The following PKHD1 variants were observed in gnomAD, a reference collection of about 807,000 sequenced individuals.
PKHD1 encodes the protein fibrocystin.
A neutral mutation model predicts 412.0 loss-of-function variants in PKHD1; 291 were observed. The observed-to-expected ratio is 0.71, with a 90% confidence interval of 0.64 to 0.78. PKHD1 has a LOEUF of 0.78. Among genes scored for constraint, PKHD1 ranks in the 30% least tolerant of loss-of-function variants. The pLI is 0.00. For synonymous variants in PKHD1, 1,777 were observed against 1,821.5 expected (o/e 0.98, Z 0.62); for missense variants, 4,825 against 4,950.7 (o/e 0.97, Z 0.76).
At chr6:51,691,686 A>G (rs1382107781) in intron 60 of PKHD1, among the ~76,000 whole-genome samples, 1 of 152,188 alleles carries the variant, frequency 6.6e-6, no homozygotes, top group East Asian at 1.9e-4. Flanking sequence ...TAAGAGGATC[A>G]GGAAAAATAA....
In PKHD1 at chr6:51,905,971, A is replaced by G. The variant is rs147712063; in HGVS notation, c.6808+244T>C. On this transcript the variant is annotated intron_variant, in intron 41 of 66. Coordinates refer to ENST00000371117, the MANE Select transcript of PKHD1 (RefSeq NM_138694.4). The stretch of plus-strand genomic sequence containing the variant: ...AAAATTACTGGTAGTAAACTTTAAA[A>G]CTTCCCATTATACACTTATTAACCT... Among the ~76,000 whole-genome samples the G allele has an allele frequency of 4.6e-5, 7 of 152,280 alleles. No homozygotes were observed. In the East Asian group the frequency reaches 1.4e-3, roughly 29 times the overall value.
At chr6:51,709,103 T>A (rs1466414160) in intron 60 of PKHD1, among the ~76,000 whole-genome samples, 2 of 152,194 alleles carry the variant, frequency 1.3e-5, no homozygotes, top group East Asian at 3.9e-4. Flanking sequence ...CCCTGAACTT[T>A]CCTGGTTATC....
Position 51,626,980 on chromosome 6 carries a change from C to T in PKHD1, c.11785+17G>A, listed in dbSNP as rs1285734471. 21 of 1,612,958 alleles carry T rather than the reference C, an allele frequency of 1.3e-5. No individual in the cohort carries two copies. Among genetic ancestry groups the T allele is most frequent in the Non-Finnish European group, 1.4e-5 (17 of 1,179,132 alleles). ...TGGGTCTCTCCTGTGGGGATCATCT[C>T]CACCCTCCAAGCTTACCTTCTCCCA... On this transcript the variant is annotated intron_variant, in intron 66 of 66. Coordinates refer to ENST00000371117, the MANE Select transcript of PKHD1 (RefSeq NM_138694.4).
At chr6:51,626,259 T>C (rs1188071562) in intron 66 of PKHD1, among the ~76,000 whole-genome samples, 2 of 152,172 alleles carry the variant, frequency 1.3e-5, no homozygotes, top group Non-Finnish European at 2.9e-5. Flanking sequence ...GAAAATATGA[T>C]AATTGACTCT....
chr6:51,802,892 AT>A (rs1763155254), intron 52 of PKHD1, among the ~76,000 whole-genome samples: 2 of 151,168 alleles, frequency 1.3e-5, no homozygotes, highest in Non-Finnish European at 2.9e-5. Context: ...TAAGTTCTCA[AT>A]TGTTTCTTCT....
intron 21 of PKHD1, among the ~76,000 whole-genome samples, chr6:52,051,488 T>C (rs1055576238): frequency 2.6e-5 from 4 of 152,176 alleles, no homozygotes; most frequent in Non-Finnish European, 4.4e-5. Context: ...GCAGGGTTAA[T>C]GTGATAAAGT....
In PKHD1 at chr6:51,699,923, G is replaced by GTGTA. The variant is rs71777944; in HGVS notation, c.10157-39955_10157-39954insTACA. Among the ~76,000 whole-genome samples, 43 of 148,280 alleles carry GTGTA rather than the reference G, an allele frequency of 2.9e-4. 1 individual carries two copies. Among genetic ancestry groups the GTGTA allele is most frequent in the African/African-American group, 7.7e-4 (31 of 40,044 alleles). On this transcript the variant is annotated intron_variant, in intron 60 of 66. Transcript: ENST00000371117. ...GGCCTCTGGAATATATATATGGAGT[G>GTGTA]TGTGTGTGTGTGTGTGTGTGTGTGT...
At chr6:52,022,569 A>ATAT (rs1554196900) in intron 33 of PKHD1, among the ~76,000 whole-genome samples, 1 of 152,212 alleles carries the variant, frequency 6.6e-6, no homozygotes. Flanking sequence ...AAGTGTTTCA[A>ATAT]TATTCATCTA....
chr6:51,816,661 G>A (rs1280442938), intron 52 of PKHD1, among the ~76,000 whole-genome samples: 1 of 152,146 alleles, frequency 6.6e-6, no homozygotes, highest in African/African-American at 2.4e-5. Context: ...CCAGTCAAAG[G>A]CGACCAACTG....
chr6:51,682,112 G>T, intron 60 of PKHD1: 2 of 411,154 alleles, frequency 4.9e-6, no homozygotes, highest in Admixed American at 2.7e-5. Context: ...AGGTTAGGAT[G>T]TCAGTACTCT....
At chr6:51,766,812 G>C (rs1443858550) in intron 55 of PKHD1, among the ~76,000 whole-genome samples, 1 of 151,782 alleles carries the variant, frequency 6.6e-6, no homozygotes, top group East Asian at 1.9e-4. Flanking sequence ...ACATTTTCTA[G>C]TTGATCATTT....
intron 56 of PKHD1, among the ~76,000 whole-genome samples, chr6:51,754,329 A>G (rs190517437): frequency 3.3e-4 from 51 of 152,310 alleles, no homozygotes; most frequent in African/African-American, 1.2e-3. Flanking sequence ...CATAAAATGT[A>G]CTTCATGTCA....
chr6:51,911,461 A>C (rs541664180), intron 39 of PKHD1, among the ~76,000 whole-genome samples: 1 of 152,304 alleles, frequency 6.6e-6, no homozygotes, highest in East Asian at 1.9e-4. Flanking sequence ...GGCTTTCCTG[A>C]GAATCTTAGA....
chr6:52,075,804 C>T (rs1038164200), intron 6 of PKHD1, among the ~76,000 whole-genome samples: 10 of 152,090 alleles, frequency 6.6e-5, no homozygotes, highest in Non-Finnish European at 1.2e-4. Flanking sequence ...ATATGACTTT[C>T]GGCAAATTTC....
chr6:52,020,561 G>A (rs1217101001), intron 33 of PKHD1, among the ~76,000 whole-genome samples: 2 of 152,170 alleles, frequency 1.3e-5, no homozygotes, highest in East Asian at 3.9e-4. Context: ...CCCGGGTGAG[G>A]CCCTTGCAGC....
At chr6:51,779,789 TAA>T (rs35453380) in intron 53 of PKHD1, among the ~76,000 whole-genome samples, 1 of 148,002 alleles carries the variant, frequency 6.8e-6, no homozygotes, top group Admixed American at 6.7e-5. Flanking sequence ...CAACTGTTGC[TAA>T]AAAAAAAAAT....
intron 55 of PKHD1, among the ~76,000 whole-genome samples, chr6:51,766,335 T>A (rs1283239565): frequency 6.6e-6 from 1 of 152,124 alleles, no homozygotes; most frequent in African/African-American, 2.4e-5. Flanking sequence ...CCCTATTATG[T>A]ATATGCATAC....
chr6:52,014,565 G>A (rs1365279373), intron 34 of PKHD1, among the ~76,000 whole-genome samples: 1 of 151,374 alleles, frequency 6.6e-6, no homozygotes, highest in Non-Finnish European at 1.5e-5. Context: ...TGGATAAACA[G>A]ATGGATCATG....
intron 37 of PKHD1, among the ~76,000 whole-genome samples, chr6:51,926,584 C>G (rs1241135800): frequency 6.6e-6 from 1 of 152,142 alleles, no homozygotes; most frequent in African/African-American, 2.4e-5. Flanking sequence ...TAGCAGTATA[C>G]ATTTACATGC....
Sources: gnomAD v4.1 joint callset for allele counts (sites outside exome capture counted in the v4.1 genomes callset) on GRCh38, gnomAD v4.1.1 for gene constraint, MANE v1.5 for transcripts, NCBI Gene and HGNC (gene_info 2026-07-23, HGNC 2026-07-21) for gene names.